The following PTPRD variants were observed in gnomAD, a reference collection of about 807,000 sequenced individuals.
PTPRD encodes receptor-type tyrosine-protein phosphatase delta.
Under a neutral mutation model 214.5 loss-of-function variants are expected in PTPRD, and 34 were observed. The observed-to-expected ratio is 0.16, with a 90% CI of 0.12 to 0.21. PTPRD has a LOEUF of 0.21. Among genes scored for constraint, PTPRD ranks in the 10% least tolerant of loss-of-function variants. The pLI, the probability that PTPRD is intolerant of heterozygous loss-of-function variation, is 1.00. For synonymous variants in PTPRD, 1,128 were observed against 845.7 expected (o/e 1.33, Z -5.79); for missense variants, 2,545 against 2,398.7 (o/e 1.06, Z -1.27).
intron 11 of PTPRD, among the ~76,000 whole-genome samples, chr9:8,997,162 G>T (rs2099400327): frequency 1.3e-5 from 2 of 151,900 alleles, no homozygotes; most frequent in Non-Finnish European, 2.9e-5. Context: ...TTTTCTATTT[G>T]AACATTTAAG....
chr9:8,374,026 T>C (rs911870165), intron 39 of PTPRD, among the ~76,000 whole-genome samples: 1 of 151,556 alleles, frequency 6.6e-6, no homozygotes, highest in African/African-American at 2.4e-5. Context: ...GTGAAAAAAA[T>C]CATCATGCTG....
chr9:9,361,987 G>A (rs1177851499), intron 9 of PTPRD, among the ~76,000 whole-genome samples: 1 of 151,038 alleles, frequency 6.6e-6, no homozygotes, highest in African/African-American at 2.4e-5. Flanking sequence ...TTTTGGAAGA[G>A]CCAACGTTAG....
At chr9:10,294,807 C>G (rs2095628482) in intron 3 of PTPRD, among the ~76,000 whole-genome samples, 2 of 151,910 alleles carry the variant, frequency 1.3e-5, no homozygotes, top group African/African-American at 4.8e-5. Flanking sequence ...TACCAACTAT[C>G]TTTGATATCT....
intron 12 of PTPRD, among the ~76,000 whole-genome samples, chr9:8,638,903 C>A (rs2096509333): frequency 1.3e-5 from 2 of 151,996 alleles, no homozygotes; most frequent in Non-Finnish European, 2.9e-5. Flanking sequence ...AGTGCAGTGG[C>A]ACAATCTCGA....
At chr9:9,507,561 A>G (rs947530548) in intron 8 of PTPRD, among the ~76,000 whole-genome samples, 1 of 151,542 alleles carries the variant, frequency 6.6e-6, no homozygotes, top group Non-Finnish European at 1.5e-5. Context: ...AAGTAAAGCT[A>G]GTATGATGAT....
chr9:9,194,119 C>G (rs901491511), intron 9 of PTPRD, among the ~76,000 whole-genome samples: 1 of 152,022 alleles, frequency 6.6e-6, no homozygotes, highest in African/African-American at 2.4e-5. Flanking sequence ...TAGGTCTACA[C>G]AGGGTCAGGA....
chr9:9,627,997 T>C (rs1022654033), intron 7 of PTPRD, among the ~76,000 whole-genome samples: 6 of 152,188 alleles, frequency 3.9e-5, no homozygotes, highest in Non-Finnish European at 8.8e-5. Context: ...TGGATACTCT[T>C]CAACAACTGC....
In PTPRD at chr9:8,486,267, A is replaced by G. The variant is rs2097005382; in HGVS notation, c.2550T>C (p.Phe850=). 6.2e-7 allele frequency: 1 copy of G among 1,614,206 alleles called. No individual in the cohort carries two copies. The highest frequency in any genetic ancestry group is 1.1e-5 in the South Asian group (1 of 91,082). The part of the protein sequence containing the change: ...LIQWHPPVDT[F]GPLQGYRLKF... ...TTAGACGGTAGCCCTGAAGAGGTCCAAATGTGTCCACCGGAGGGTGCCACT... is the reference window on the plus strand; with the variant it reads ...TTAGACGGTAGCCCTGAAGAGGTCCGAATGTGTCCACCGGAGGGTGCCACT... Residue 850 remains phenylalanine, a synonymous_variant, in exon 28 of 46, where the codon TTT becomes TTC. Coordinates refer to ENST00000381196, the MANE Select transcript of PTPRD (RefSeq NM_002839.4).
chr9:10,300,690 T>C (rs1240581986), intron 3 of PTPRD, among the ~76,000 whole-genome samples: 1 of 152,162 alleles, frequency 6.6e-6, no homozygotes, highest in East Asian at 1.9e-4. Flanking sequence ...TCAGCAAGGC[T>C]GCTGCAGCCA....
chr9:9,647,011 C>T (rs2096206985), intron 7 of PTPRD, among the ~76,000 whole-genome samples: 1 of 152,072 alleles, frequency 6.6e-6, no homozygotes, highest in Non-Finnish European at 1.5e-5. Context: ...ATACACTGGC[C>T]TACATTTTTT....
At chr9:10,245,725 T>C (rs1564760372) in intron 3 of PTPRD, among the ~76,000 whole-genome samples, 1 of 152,076 alleles carries the variant, frequency 6.6e-6, no homozygotes. Flanking sequence ...TTAATCTATG[T>C]GTATATGTGT....
intron 2 of PTPRD, among the ~76,000 whole-genome samples, chr9:10,546,618 T>G (rs2060229195): frequency 6.6e-6 from 1 of 152,028 alleles, no homozygotes; most frequent in Non-Finnish European, 1.5e-5. Flanking sequence ...TGGGTCAAAA[T>G]ATGGAAAGCA....
intron 3 of PTPRD, among the ~76,000 whole-genome samples, chr9:10,321,128 T>C (rs1189962678): frequency 1.3e-5 from 2 of 152,030 alleles, no homozygotes; most frequent in Non-Finnish European, 2.9e-5. Context: ...TAATGCGACA[T>C]ACTTTACATT....
chr9:8,669,884 A>G (rs529536478), intron 12 of PTPRD, among the ~76,000 whole-genome samples: 1 of 152,158 alleles, frequency 6.6e-6, no homozygotes, highest in Non-Finnish European at 1.5e-5. Context: ...AGGAGTGGGA[A>G]GTTAATCAAA....
chr9:8,819,037 G>A (rs946005414), intron 11 of PTPRD, among the ~76,000 whole-genome samples: 1 of 152,148 alleles, frequency 6.6e-6, no homozygotes, highest in Admixed American at 6.6e-5. Context: ...TCAGAAAAAG[G>A]CATAAAATGC....
At chr9:8,451,795 T>C in intron 33 of PTPRD, 1 of 423,950 alleles carries the variant, frequency 2.4e-6, no homozygotes, top group Non-Finnish European at 4.7e-6. Flanking sequence ...CGACTAAAAT[T>C]TGGATTTTTC....
rs58321246 is a variant in PTPRD, at chr9:10,129,153, T to C, written c.-544-95363A>G. Among the ~76,000 whole-genome samples, 1,021 of 152,330 alleles carry C rather than the reference T, an allele frequency of 6.7e-3. 13 individuals are homozygous for C. Among genetic ancestry groups the C allele is most frequent in the African/African-American group, 0.022 (921 of 41,578 alleles). On this transcript the variant is annotated intron_variant, in intron 3 of 45. Transcript: ENST00000381196. The stretch of plus-strand genomic sequence containing the variant: ...TGGACCTTGCTGCTTCTTGTTTGTG[T>C]ATGAATTTAAAAGCCTGCTATTTGG...
At chr9:10,229,212 G>A (rs2099599643) in intron 3 of PTPRD, among the ~76,000 whole-genome samples, 1 of 152,054 alleles carries the variant, frequency 6.6e-6, no homozygotes, top group African/African-American at 2.4e-5. Flanking sequence ...ACAGGTGCTG[G>A]AGAGGATGTG....
At chr9:9,818,516 T>C (rs530014973) in intron 5 of PTPRD, among the ~76,000 whole-genome samples, 2 of 152,132 alleles carry the variant, frequency 1.3e-5, no homozygotes, top group East Asian at 3.9e-4. Context: ...TAAGTAGAAA[T>C]GTAGGTAGGG....
Sources: allele counts gnomAD v4.1 joint callset (sites outside exome capture counted in the v4.1 genomes callset), GRCh38; gene constraint gnomAD v4.1.1; transcripts MANE v1.5; gene names NCBI Gene and HGNC (gene_info 2026-07-23, HGNC 2026-07-21).